The following GRM7 variants were observed in gnomAD, a reference collection of about 807,000 sequenced individuals.
The protein encoded by GRM7 is glutamate metabotropic receptor 7.
GRM7 carries 35 observed loss-of-function variants against 84.5 expected under a neutral mutation model. The ratio of observed to expected loss-of-function variants is 0.41; its 90% CI spans 0.32 to 0.55. The LOEUF (loss-of-function observed/expected upper bound fraction) is 0.55. Among genes scored for constraint, GRM7 ranks in the 20% least tolerant of loss-of-function variants. The pLI, the probability that GRM7 is intolerant of heterozygous loss-of-function variation, is 0.19. For synonymous variants in GRM7, 487 were observed against 455.1 expected, an observed-to-expected ratio of 1.07 and a Z score of -0.89; for missense variants, 1,003 against 1,194.6, an observed-to-expected ratio of 0.84 and a Z score of 2.36.
intron 2 of GRM7, among the ~76,000 whole-genome samples, chr3:7,205,986 T>A (rs1471111406): frequency 1.4e-4 from 22 of 152,194 alleles, no homozygotes. Context: ...TTCTCTTTAT[T>A]CATGACATTG....
intron 1 of GRM7, among the ~76,000 whole-genome samples, chr3:7,144,985 TAACTC>T (rs1694063499): frequency 6.6e-6 from 1 of 152,166 alleles, no homozygotes; most frequent in Non-Finnish European, 1.5e-5. Flanking sequence ...CCACAGGACT[TAACTC>T]TAATGCTGAC....
At chr3:7,445,482 C>T (rs968741686) in intron 5 of GRM7, among the ~76,000 whole-genome samples, 3 of 152,164 alleles carry the variant, frequency 2.0e-5, no homozygotes, top group Non-Finnish European at 2.9e-5. Context: ...GCAATTAACA[C>T]GTGCTGCGGG....
At chr3:7,337,563 G>A (rs58773337) in intron 4 of GRM7, among the ~76,000 whole-genome samples, 5,950 of 150,888 alleles carry the variant, frequency 0.039, 247 homozygotes, top group African/African-American at 0.11. Flanking sequence ...CAAATCAACA[G>A]GAAAAAAATA....
chr3:7,301,310 A>G (rs1411190403), intron 3 of GRM7, among the ~76,000 whole-genome samples: 2 of 152,294 alleles, frequency 1.3e-5, no homozygotes, highest in African/African-American at 4.8e-5. Context: ...ATTATCTTAC[A>G]ACATTATTTT....
chr3:7,285,382 C>A (rs1274058251), intron 2 of GRM7, among the ~76,000 whole-genome samples: 1 of 152,152 alleles, frequency 6.6e-6, no homozygotes, highest in Non-Finnish European at 1.5e-5. Context: ...CCACCTCCAT[C>A]CCAGTGTGTC....
At chr3:7,207,500 C>G (rs1696278231) in intron 2 of GRM7, among the ~76,000 whole-genome samples, 1 of 152,172 alleles carries the variant, frequency 6.6e-6, no homozygotes, top group Non-Finnish European at 1.5e-5. Flanking sequence ...TTCACATACA[C>G]TGTCTTAACC....
chr3:7,572,863 TATATATATATATATATAA>T lies in GRM7; in HGVS notation c.1516-5555_1516-5538del, dbSNP rs1384497582. 7.9e-4 allele frequency among the ~76,000 whole-genome samples: 45 copies of T among 56,906 alleles called. 5 individuals carry two copies. Among genetic ancestry groups the T allele is most frequent in the African/African-American group, 2.5e-3 (39 of 15,828 alleles). 37.3% of individuals were successfully genotyped at this position (56,906 alleles called of 152,430 possible). On this transcript the variant is annotated intron_variant, in intron 7 of 9. Transcript: ENST00000357716. The stretch of plus-strand genomic sequence containing the variant: ...ATATATATATATATATATATATATA[TATATATATATATATATAA>T]ATAATCTTTCTACCTATAATAATTC...
chr3:6,971,655 C>A (rs1011310393), intron 1 of GRM7, among the ~76,000 whole-genome samples: 1 of 152,274 alleles, frequency 6.6e-6, no homozygotes, highest in East Asian at 1.9e-4. Context: ...TGAATATCAA[C>A]TACTATTCAG....
intron 2 of GRM7, among the ~76,000 whole-genome samples, chr3:7,251,949 G>A (rs995616122): frequency 3.3e-5 from 5 of 152,218 alleles, no homozygotes; most frequent in East Asian, 3.9e-4. Flanking sequence ...TCCAGTAGCC[G>A]GAAAACAAAG....
chr3:7,020,621 A>G (rs1239794296), intron 1 of GRM7, among the ~76,000 whole-genome samples: 3 of 152,208 alleles, frequency 2.0e-5, no homozygotes, highest in African/African-American at 4.8e-5. Context: ...AGATATCACA[A>G]TTCGAATGAA....
chr3:7,237,535 A>G (rs114540860), intron 2 of GRM7, among the ~76,000 whole-genome samples: 580 of 152,006 alleles, frequency 3.8e-3, no homozygotes, highest in Non-Finnish European at 6.3e-3. Flanking sequence ...GTGTGTCTGA[A>G]GTTTGTTCCT....
intron 2 of GRM7, among the ~76,000 whole-genome samples, chr3:7,240,935 C>T (rs1302324032): frequency 6.6e-6 from 1 of 152,140 alleles, no homozygotes; most frequent in Non-Finnish European, 1.5e-5. Flanking sequence ...CAGTAATATG[C>T]TGTACAGGTT....
chr3:7,470,548 T>C lies in GRM7; in HGVS notation c.1515+8826T>C, dbSNP rs1336881850. Among the ~76,000 whole-genome samples, 6 of 152,184 alleles carry C rather than the reference T, an allele frequency of 3.9e-5. No homozygotes were observed. The East Asian group carries it at 9.6e-4, about 24-fold the overall frequency. On this transcript the variant is annotated intron_variant, in intron 7 of 9. Transcript: ENST00000357716. Reference sequence around the variant, plus strand: ...GCAAGATTAATAATATTTATAATTATCAATATGGTTCCACAAACATGTACA... The same window carrying C: ...GCAAGATTAATAATATTTATAATTACCAATATGGTTCCACAAACATGTACA...
chr3:7,206,602 G>GA lies in GRM7; in HGVS notation c.736+59941dup, dbSNP rs150425150. 2.6e-3 allele frequency among the ~76,000 whole-genome samples: 393 copies of GA among 152,122 alleles called. 5 individuals carry two copies. The East Asian group carries it at 0.03, about 12-fold the overall frequency. On this transcript the variant is annotated intron_variant, in intron 2 of 9. Transcript: ENST00000357716. ...GCTACATTGTATCATCTTGGACCAG[G>GA]AAAAAAATAACCCTGTTGTTTCTGA...
chr3:7,082,261 T>A (rs1333160675), intron 1 of GRM7, among the ~76,000 whole-genome samples: 1 of 152,156 alleles, frequency 6.6e-6, no homozygotes, highest in Non-Finnish European at 1.5e-5. Context: ...AAGACAATGC[T>A]CATTTACCAT....
intron 2 of GRM7, among the ~76,000 whole-genome samples, chr3:7,202,993 A>T (rs1273912763): frequency 1.3e-5 from 2 of 152,212 alleles, no homozygotes; most frequent in Non-Finnish European, 2.9e-5. Flanking sequence ...AGATGCATAG[A>T]ATGTGTTCCA....
intron 7 of GRM7, chr3:7,561,593 A>T (rs1229106551): frequency 4.4e-6 from 2 of 456,352 alleles, no homozygotes; most frequent in Admixed American, 4.7e-5. Flanking sequence ...TTTTTGTTTG[A>T]GGAAAAAGCT....
At chr3:7,288,491 C>T (rs964575502) in intron 2 of GRM7, among the ~76,000 whole-genome samples, 1 of 152,064 alleles carries the variant, frequency 6.6e-6, no homozygotes, top group Non-Finnish European at 1.5e-5. Context: ...CCTGGTCCTG[C>T]GTTTGGCTCT....
chr3:7,573,670 C>A (rs1187152996), intron 7 of GRM7, among the ~76,000 whole-genome samples: 1 of 152,178 alleles, frequency 6.6e-6, no homozygotes. Context: ...AACATGTGTG[C>A]TAGAAAACTT....
Sources: gnomAD v4.1 joint callset for allele counts (sites outside exome capture counted in the v4.1 genomes callset) on GRCh38, gnomAD v4.1.1 for gene constraint, MANE v1.5 for transcripts, NCBI Gene and HGNC (gene_info 2026-07-23, HGNC 2026-07-21) for gene names.